Variants in ARMH4 observed in about 807,000 individuals in gnomAD.
The protein encoded by ARMH4 is armadillo-like helical domain-containing protein 4.
Under a neutral mutation model 61.9 loss-of-function variants are expected in ARMH4, and 49 were observed. The ratio of observed to expected loss-of-function variants is 0.79; its 90% CI spans 0.63 to 1.00. The LOEUF is 1.00. Ranked by LOEUF, ARMH4 falls within the 50% of genes least tolerant of loss-of-function variation. The probability of loss-of-function intolerance (pLI) is 0.00; values close to 1 mark genes in which losing one functional copy is unlikely to be tolerated. For missense variants in ARMH4, 934 were observed against 930.0 expected (o/e 1.00, Z -0.06); for synonymous variants, 368 against 341.5 (o/e 1.08, Z -0.85).
At chr14:58,053,506 A>G (rs1268321736) in intron 5 of ARMH4, among the ~76,000 whole-genome samples, 1 of 151,956 alleles carries the variant, frequency 6.6e-6, no homozygotes. Flanking sequence ...TCCCTTCCTC[A>G]GCCCCTGCTT....
At chr14:58,147,316 GT>G (rs33969627) in intron 1 of ARMH4, among the ~76,000 whole-genome samples, 58,555 of 132,180 alleles carry the variant, frequency 0.44, 11,464 homozygotes, top group Middle Eastern at 0.51. Context: ...AATCCAGATG[GT>G]TTTTTTTTTT....
intron 1 of ARMH4, among the ~76,000 whole-genome samples, chr14:58,144,758 C>T (rs1030459618): frequency 1.3e-5 from 2 of 152,052 alleles, no homozygotes; most frequent in African/African-American, 4.8e-5. Flanking sequence ...GTCCCAGCTA[C>T]TCGGGAGGCT....
At chr14:58,036,899 G>T (rs1310212925) in intron 5 of ARMH4, among the ~76,000 whole-genome samples, 2 of 125,218 alleles carry the variant, frequency 1.6e-5, no homozygotes, top group Non-Finnish European at 3.6e-5. Flanking sequence ...GGAAATAAAA[G>T]AGGACACAAA....
intron 4 of ARMH4, among the ~76,000 whole-genome samples, chr14:58,116,968 T>C (rs898397909): frequency 3.3e-5 from 5 of 152,302 alleles, no homozygotes; most frequent in Admixed American, 1.3e-4. Context: ...TCCTTTATTT[T>C]AGAGACAGAG....
At chr14:58,049,789 C>T (rs902124356) in intron 5 of ARMH4, among the ~76,000 whole-genome samples, 9 of 152,308 alleles carry the variant, frequency 5.9e-5, no homozygotes, top group African/African-American at 2.2e-4. Flanking sequence ...AGAGAACTCA[C>T]TTCACTCCCT....
At chr14:58,113,768 T>C (rs946226714) in intron 4 of ARMH4, among the ~76,000 whole-genome samples, 31 of 152,034 alleles carry the variant, frequency 2.0e-4, no homozygotes, top group Non-Finnish European at 4.4e-4. Context: ...ATTTTCTCTT[T>C]TGGATTATTT....
At chr14:58,056,755 T>G (rs910920487) in intron 5 of ARMH4, among the ~76,000 whole-genome samples, 1 of 152,184 alleles carries the variant, frequency 6.6e-6, no homozygotes, top group Non-Finnish European at 1.5e-5. Context: ...AGGCAAAGCT[T>G]GCTAGTTGTC....
At chr14:58,151,799 G>GGGAGGCTGGGCTGGAGCTA (rs1455347592) in intron 1 of ARMH4, among the ~76,000 whole-genome samples, 1 of 152,264 alleles carries the variant, frequency 6.6e-6, no homozygotes, top group African/African-American at 2.4e-5. Context: ...GTGCGGAGCT[G>GGGAGGCTGGGCTGGAGCTA]GGAGGCTGGG....
At chr14:58,044,100 A>G (rs1230504838) in intron 5 of ARMH4, among the ~76,000 whole-genome samples, 4 of 152,222 alleles carry the variant, frequency 2.6e-5, no homozygotes, top group Non-Finnish European at 4.4e-5. Flanking sequence ...TCTTCACAGA[A>G]TTGGAAAAAA....
chr14:58,067,139 T>G (rs902225188), intron 5 of ARMH4, among the ~76,000 whole-genome samples: 3 of 152,230 alleles, frequency 2.0e-5, no homozygotes, highest in Admixed American at 6.5e-5. Flanking sequence ...TTCTTCATCT[T>G]TTATCTGCTT....
chr14:58,137,249 C>G (rs189339829), intron 2 of ARMH4, among the ~76,000 whole-genome samples: 2 of 152,248 alleles, frequency 1.3e-5, no homozygotes, highest in Non-Finnish European at 2.9e-5. Context: ...AGATATTTAA[C>G]AATATCTTAG....
rs775241311 is a variant in ARMH4 at position 58,139,099 on chromosome 14, T to C, written c.260A>G (p.Asn87Ser). ...MSAVPSATSL[N>S]KAFSINKETQ... ...TTCTTTGTTAATCGAGAATGCTTTA[T>C]TTAATGATGTTGCCGATGGTACTGC... Residue 87 changes from asparagine (N) to serine (S), a missense_variant, in exon 2 of 8, where the codon AAT becomes AGT. By Grantham distance (46) the Asn-to-Ser change is conservative. Coordinates refer to ENST00000267485, the MANE Select transcript of ARMH4 (RefSeq NM_001001872.4). The C allele has an allele frequency of 6.2e-7, 1 of 1,614,242 alleles. No individual in the cohort carries two copies. Among genetic ancestry groups the C allele is most frequent in the East Asian group, 2.2e-5 (1 of 44,886 alleles).
intron 5 of ARMH4, among the ~76,000 whole-genome samples, chr14:58,058,853 T>C (rs913264606): frequency 1.6e-4 from 24 of 152,342 alleles, no homozygotes; most frequent in African/African-American, 5.3e-4. Context: ...GACGGCCCAC[T>C]GGACTAATAA....
intron 6 of ARMH4, among the ~76,000 whole-genome samples, chr14:58,010,455 G>C (rs577538767): frequency 1.4e-4 from 22 of 152,176 alleles, no homozygotes; most frequent in African/African-American, 5.3e-4. Context: ...TCCTCCAAGA[G>C]TCAAAAGATG....
chr14:58,076,276 T>G (rs912871392), intron 5 of ARMH4, among the ~76,000 whole-genome samples: 10 of 152,244 alleles, frequency 6.6e-5, no homozygotes, highest in Non-Finnish European at 1.5e-4. Flanking sequence ...TGGAAAACAC[T>G]GTGGGGATGA....
At chr14:58,110,889 A>AT (rs201137325) in intron 4 of ARMH4, among the ~76,000 whole-genome samples, 5 of 150,916 alleles carry the variant, frequency 3.3e-5, no homozygotes, top group Non-Finnish European at 5.9e-5. Context: ...CGCCCAGCTA[A>AT]TTTTTTTTAT....
chr14:58,057,293 G>C (rs1884376690), intron 5 of ARMH4, among the ~76,000 whole-genome samples: 1 of 152,192 alleles, frequency 6.6e-6, no homozygotes, highest in African/African-American at 2.4e-5. Context: ...TCAGTGCCTT[G>C]CACATATGAG....
At chr14:58,151,414 C>A (rs963784589) in intron 1 of ARMH4, among the ~76,000 whole-genome samples, 1 of 152,172 alleles carries the variant, frequency 6.6e-6, no homozygotes, top group African/African-American at 2.4e-5. Flanking sequence ...TCGCCTCCCC[C>A]AGGTCTAACC....
At chr14:58,133,969 G>A (rs1234468146) in intron 2 of ARMH4, among the ~76,000 whole-genome samples, 1 of 152,164 alleles carries the variant, frequency 6.6e-6, no homozygotes, top group Non-Finnish European at 1.5e-5. Context: ...ACCTGCCTTA[G>A]TCACTTACTA....
Sources: allele counts gnomAD v4.1 joint callset (sites outside exome capture counted in the v4.1 genomes callset), GRCh38; gene constraint gnomAD v4.1.1; transcripts MANE v1.5; gene names NCBI Gene and HGNC (gene_info 2026-07-23, HGNC 2026-07-21).